Variants in PRKAR2B observed in about 807,000 individuals in gnomAD.
The protein encoded by PRKAR2B is cAMP-dependent protein kinase type II-beta regulatory subunit.
PRKAR2B carries 14 observed loss-of-function variants against 49.9 expected under a neutral mutation model. That is an observed-to-expected ratio of 0.28 (90% CI 0.19 to 0.44). The LOEUF (loss-of-function observed/expected upper bound fraction) is 0.44, where lower values mean the gene tolerates loss of function less well. PRKAR2B is among the 20% of genes least tolerant of loss of function. PRKAR2B has a pLI of 1.00. For synonymous variants in PRKAR2B, 196 were observed against 197.7 expected, an observed-to-expected ratio of 0.99 and a Z score of 0.07; for missense variants, 393 against 537.9, an observed-to-expected ratio of 0.73 and a Z score of 2.67.
chr7:107,098,973 C>T (rs1469615993), intron 2 of PRKAR2B, among the ~76,000 whole-genome samples: 2 of 152,208 alleles, frequency 1.3e-5, no homozygotes, highest in Non-Finnish European at 2.9e-5. Context: ...CAGGGACCCA[C>T]TTGAGGAGGC....
intron 1 of PRKAR2B, among the ~76,000 whole-genome samples, chr7:107,046,885 G>T (rs1463089755): frequency 6.6e-6 from 1 of 151,930 alleles, no homozygotes. Context: ...AAAATATTTT[G>T]TTTGTATAAT....
intron 10 of PRKAR2B, 129 bp from the exon 11 acceptor site, chr7:107,159,320 G>T: frequency 1.0e-6 from 1 of 961,346 alleles, no homozygotes; most frequent in Admixed American, 2.8e-5. Flanking sequence ...GCTTTTTCTT[G>T]TATTTTATAG....
chr7:107,098,970 C>G (rs2116810463), intron 2 of PRKAR2B, among the ~76,000 whole-genome samples: 1 of 152,306 alleles, frequency 6.6e-6, no homozygotes, highest in Middle Eastern at 3.4e-3. Flanking sequence ...GTTCAGGGAC[C>G]CACTTGAGGA....
chr7:107,105,819 G>T (rs1319734573), intron 2 of PRKAR2B, among the ~76,000 whole-genome samples: 2 of 152,164 alleles, frequency 1.3e-5, no homozygotes, highest in African/African-American at 4.8e-5. Flanking sequence ...CACTGATCTT[G>T]CAACACTTCC....
At chr7:107,079,018 C>T (rs1794462802) in intron 2 of PRKAR2B, among the ~76,000 whole-genome samples, 1 of 152,146 alleles carries the variant, frequency 6.6e-6, no homozygotes, top group Admixed American at 6.5e-5. Context: ...ACCCACCAAA[C>T]CCCGTGTGCC....
At chr7:107,114,632 A>G (rs1006718464) in intron 2 of PRKAR2B, among the ~76,000 whole-genome samples, 3 of 151,344 alleles carry the variant, frequency 2.0e-5, no homozygotes, top group Non-Finnish European at 4.4e-5. Flanking sequence ...GGCCTCCTAA[A>G]GTGCTGGGAT....
At chr7:107,103,329 A>T (rs143231207) in intron 2 of PRKAR2B, among the ~76,000 whole-genome samples, 3 of 152,230 alleles carry the variant, frequency 2.0e-5, no homozygotes, top group Non-Finnish European at 4.4e-5. Context: ...GCCAACGTCT[A>T]CCTCACTCTT....
At chr7:107,117,376 CTT>C (rs1450559083) in intron 2 of PRKAR2B, among the ~76,000 whole-genome samples, 1 of 152,062 alleles carries the variant, frequency 6.6e-6, no homozygotes, top group Non-Finnish European at 1.5e-5. Context: ...ATGCTAAAAT[CTT>C]AGTTTATTGA....
chr7:107,059,167 A>G (rs1297326688), intron 1 of PRKAR2B, among the ~76,000 whole-genome samples: 1 of 152,200 alleles, frequency 6.6e-6, no homozygotes, highest in Non-Finnish European at 1.5e-5. Context: ...ACATGCCTGT[A>G]ATCCCAGCTT....
intron 2 of PRKAR2B, among the ~76,000 whole-genome samples, chr7:107,114,447 C>T (rs756243207): frequency 5.3e-5 from 8 of 151,354 alleles, no homozygotes; most frequent in South Asian, 2.1e-4. Flanking sequence ...CTGCAACCTC[C>T]GCTTCCTGGG....
At chr7:107,119,735 G>A (rs1324471520) in intron 2 of PRKAR2B, among the ~76,000 whole-genome samples, 1 of 152,156 alleles carries the variant, frequency 6.6e-6, no homozygotes, top group Non-Finnish European at 1.5e-5. Context: ...TGACTTGGCT[G>A]CTTCTTTGGT....
intron 2 of PRKAR2B, among the ~76,000 whole-genome samples, chr7:107,102,045 A>G (rs763420788): frequency 2.0e-4 from 30 of 152,202 alleles, no homozygotes; most frequent in Non-Finnish European, 3.8e-4. Flanking sequence ...TGATCAGAAC[A>G]CGATACAAAA....
intron 3 of PRKAR2B, among the ~76,000 whole-genome samples, chr7:107,127,353 C>G (rs964000873): frequency 6.6e-6 from 1 of 152,242 alleles, no homozygotes; most frequent in Non-Finnish European, 1.5e-5. Context: ...CCTTGCCCCT[C>G]TAACTCATTT....
At chr7:107,070,182 T>G (rs1794235434) in intron 1 of PRKAR2B, 99 bp from the exon 2 acceptor site, 2 of 757,954 alleles carry the variant, frequency 2.6e-6, no homozygotes, top group Non-Finnish European at 4.3e-6. Flanking sequence ...ATCTTTTTCT[T>G]TAGTTAAATT....
At chr7:107,103,378 A>G (rs1444976383) in intron 2 of PRKAR2B, among the ~76,000 whole-genome samples, 2 of 152,228 alleles carry the variant, frequency 1.3e-5, no homozygotes, top group Admixed American at 6.5e-5. Flanking sequence ...GATGTAGGCA[A>G]ACCCCAGGGT....
chr7:107,082,531 T>C (rs562945787), intron 2 of PRKAR2B, among the ~76,000 whole-genome samples: 1 of 152,366 alleles, frequency 6.6e-6, no homozygotes, highest in South Asian at 2.1e-4. Flanking sequence ...TCATGTTATA[T>C]TACATAGACA....
intron 4 of PRKAR2B, among the ~76,000 whole-genome samples, chr7:107,138,911 T>C (rs2115632305): frequency 6.6e-6 from 1 of 152,190 alleles, no homozygotes; most frequent in East Asian, 1.9e-4. Context: ...ACTCCTGGGC[T>C]GAAGCAATCT....
At chr7:107,131,910 A>AT (rs1360493316) in intron 4 of PRKAR2B, among the ~76,000 whole-genome samples, 3 of 152,188 alleles carry the variant, frequency 2.0e-5, no homozygotes, top group Admixed American at 6.6e-5. Flanking sequence ...AGCTCCTTTC[A>AT]TTTTAATTTC....
rs55786957 is a variant in PRKAR2B, at chr7:107,159,888, A to G, written c.*306A>G. ...GAAAGTATCTGTGTTTAAGAAGATAATTAAAGGATGTTATCATAGGCTATA... is the reference window on the plus strand; with the variant it reads ...GAAAGTATCTGTGTTTAAGAAGATAGTTAAAGGATGTTATCATAGGCTATA... On this transcript the variant is annotated 3_prime_UTR_variant, in exon 11 of 11. Coordinates refer to ENST00000265717, the MANE Select transcript of PRKAR2B (RefSeq NM_002736.3). 1,892 of 242,470 alleles carry G rather than the reference A, an allele frequency of 7.8e-3. 17 individuals are homozygous for G. The highest frequency in any genetic ancestry group is 0.012 in the Non-Finnish European group (1,446 of 125,200). The allele number at this position is 242,470 out of a possible 1,614,324, so 15.0% of individuals were successfully genotyped here.
Sources: gnomAD v4.1 joint callset for allele counts (sites outside exome capture counted in the v4.1 genomes callset) on GRCh38, gnomAD v4.1.1 for gene constraint, MANE v1.5 for transcripts, NCBI Gene and HGNC (gene_info 2026-07-23, HGNC 2026-07-21) for gene names.